Variants in RPN2 observed in about 807,000 individuals in gnomAD.
RPN2 encodes the protein dolichyl-diphosphooligosaccharide--protein glycosyltransferase subunit 2.
A neutral mutation model predicts 71.4 loss-of-function variants in RPN2; 29 were observed. The ratio of observed to expected loss-of-function variants is 0.41; its 90% CI spans 0.30 to 0.55. RPN2 has a LOEUF of 0.55. Ranked by LOEUF, RPN2 falls within the 20% of genes least tolerant of loss-of-function variation. The pLI, the probability that RPN2 is intolerant of heterozygous loss-of-function variation, is 0.35. For synonymous variants in RPN2, 308 were observed against 305.0 expected (o/e 1.01, Z -0.10); for missense variants, 726 against 774.1 (o/e 0.94, Z 0.74).
rs181588459 is a variant in RPN2 at position 37,232,411 on chromosome 20, G to A, written c.1677+20G>A. On this transcript the variant is annotated intron_variant, in intron 14 of 16. Coordinates refer to ENST00000237530, the MANE Select transcript of RPN2 (RefSeq NM_002951.5). ...GCTCTGGTGAGTGGCTGTAATTAGC[G>A]TGGGCAGCATGCGTCTGGCGCCAGA... is the stretch of plus-strand genomic sequence containing the variant. 29 of 1,613,800 alleles carry A rather than the reference G, an allele frequency of 1.8e-5. No homozygotes were observed. The East Asian group carries it at 2.0e-4, about 11-fold the overall frequency.
intron 1 of RPN2, 69 bp from the exon 2 acceptor site, chr20:37,184,111 T>C: frequency 6.4e-7 from 1 of 1,571,716 alleles, no homozygotes; most frequent in Non-Finnish European, 8.8e-7. Context: ...TTGGTGTGCA[T>C]CATCATTGGG....
At chr20:37,210,259 G>A (rs2067625397) in intron 8 of RPN2, 94 bp downstream of exon 8, 2 of 1,595,526 alleles carry the variant, frequency 1.3e-6, no homozygotes, top group Non-Finnish European at 1.7e-6. Context: ...TTCCAGTTAG[G>A]TAAATTTGAT....
At chr20:37,213,649 A>G in intron 8 of RPN2, 111 bp from the exon 9 acceptor site, 1 of 820,320 alleles carries the variant, frequency 1.2e-6, no homozygotes, top group South Asian at 1.4e-5. Flanking sequence ...CAAAAAGGTA[A>G]GGAGTTGGCT....
At chr20:37,229,727 G>A (rs933325272) in intron 12 of RPN2, 5 of 553,014 alleles carry the variant, frequency 9.0e-6, no homozygotes, top group African/African-American at 5.7e-5. Context: ...GTATTAAGCA[G>A]CTCTATGGGG....
At chr20:37,230,088 C>A in intron 13 of RPN2, 29 bp downstream of exon 13, 1 of 1,548,438 alleles carries the variant, frequency 6.5e-7, no homozygotes, top group Non-Finnish European at 8.9e-7. Context: ...ATCCACTAAA[C>A]GTGGGAGAAG....
At chr20:37,195,285 CCGTCAA>C (rs1036587038) in intron 2 of RPN2, among the ~76,000 whole-genome samples, 1 of 152,256 alleles carries the variant, frequency 6.6e-6, no homozygotes. Context: ...GTAAACTCCG[CCGTCAA>C]CATCTTGGGC....
intron 8 of RPN2, among the ~76,000 whole-genome samples, chr20:37,210,470 C>CA (rs2067632001): frequency 6.8e-6 from 1 of 148,020 alleles, no homozygotes; most frequent in African/African-American, 2.5e-5. Context: ...CAGCAAAGCA[C>CA]AAAAAAAGAA....
At chr20:37,196,896 C>T (rs1373065281) in intron 2 of RPN2, among the ~76,000 whole-genome samples, 7 of 152,114 alleles carry the variant, frequency 4.6e-5, no homozygotes, top group African/African-American at 1.7e-4. Context: ...GGCCACTAGT[C>T]ACTGGGGGAA....
intron 9 of RPN2, among the ~76,000 whole-genome samples, chr20:37,223,031 A>G (rs148944857): frequency 6.8e-4 from 103 of 152,360 alleles, no homozygotes; most frequent in African/African-American, 2.1e-3. Context: ...TAGGTGGTCA[A>G]CTGGAGGCTC....
In RPN2 at chr20:37,241,361, G is replaced by T; in HGVS notation, c.*46G>T. 6.2e-7 allele frequency: 1 copy of T among 1,605,856 alleles called. No homozygotes were observed. The highest frequency in any genetic ancestry group is 8.5e-7 in the Non-Finnish European group (1 of 1,174,264). On this transcript the variant is annotated 3_prime_UTR_variant, in exon 17 of 17. Transcript: ENST00000237530. ...TTCTGAAAACTGAATGTCAAGAAAA[G>T]GAGTCAAGAACAATTCACAGTATGA...
rs578126692 is a variant in RPN2, at chr20:37,196,594, T to A, written c.208-1803T>A. On this transcript the variant is annotated intron_variant, in intron 2 of 16. Coordinates refer to ENST00000237530, the MANE Select transcript of RPN2 (RefSeq NM_002951.5). ...CCCATGCCAGACTGCAGTGGTGTAA[T>A]CACAGCTCACTGCAGCCTCAAACGA... Among the ~76,000 whole-genome samples, 3 of 152,206 alleles carry A rather than the reference T, an allele frequency of 2.0e-5. No individual in the cohort carries two copies. In the East Asian group the frequency reaches 5.8e-4, roughly 29 times the overall value.
intron 9 of RPN2, among the ~76,000 whole-genome samples, chr20:37,222,098 G>A (rs1049262099): frequency 2.6e-5 from 4 of 152,168 alleles, no homozygotes; most frequent in Non-Finnish European, 4.4e-5. Flanking sequence ...AGTACTTGTC[G>A]GGTTGTGTTT....
intron 6 of RPN2, among the ~76,000 whole-genome samples, chr20:37,206,130 CTGAT>C (rs925636887): frequency 1.3e-5 from 2 of 152,156 alleles, no homozygotes; most frequent in African/African-American, 2.4e-5. Flanking sequence ...AAAAACAAAA[CTGAT>C]TGAAGGGGAA....
chr20:37,232,426 C>A, intron 14 of RPN2, 35 bp downstream of exon 14: 1 of 1,611,736 alleles, frequency 6.2e-7, no homozygotes, highest in Non-Finnish European at 8.5e-7. Flanking sequence ...CAGCATGCGT[C>A]TGGCGCCAGA....
At chr20:37,224,985 G>C (rs552013265) in intron 10 of RPN2, among the ~76,000 whole-genome samples, 12 of 152,258 alleles carry the variant, frequency 7.9e-5, no homozygotes, top group South Asian at 4.2e-4. Context: ...ATGAAGAGTT[G>C]GTCTTACTTA....
intron 10 of RPN2, among the ~76,000 whole-genome samples, chr20:37,224,840 T>C (rs2068041680): frequency 6.6e-6 from 1 of 152,214 alleles, no homozygotes; most frequent in Non-Finnish European, 1.5e-5. Context: ...AGCTACTCCT[T>C]TTAAATCACA....
chr20:37,231,696 A>G (rs1186224336), intron 13 of RPN2, among the ~76,000 whole-genome samples: 1 of 145,838 alleles, frequency 6.9e-6, no homozygotes, highest in Admixed American at 7.0e-5. Context: ...TGGGTGACAC[A>G]GTGAGGTCCT....
intron 9 of RPN2, among the ~76,000 whole-genome samples, chr20:37,223,100 T>C (rs759073745): frequency 2.0e-5 from 3 of 152,242 alleles, no homozygotes; most frequent in Non-Finnish European, 4.4e-5. Flanking sequence ...CTGGACATTG[T>C]GTCCATGTCA....
chr20:37,179,821 G>A (rs78703381), intron 1 of RPN2, among the ~76,000 whole-genome samples: 91 of 152,326 alleles, frequency 6.0e-4, no homozygotes, highest in African/African-American at 2.1e-3. Flanking sequence ...CTCTCTGGGA[G>A]CCTGGAGCAT....
Sources: gnomAD v4.1 joint callset for allele counts (sites outside exome capture counted in the v4.1 genomes callset) on GRCh38, gnomAD v4.1.1 for gene constraint, MANE v1.5 for transcripts, NCBI Gene and HGNC (gene_info 2026-07-23, HGNC 2026-07-21) for gene names.